Variants in DPP10 observed in about 807,000 individuals in gnomAD.
The protein encoded by DPP10 is inactive dipeptidyl peptidase 10.
DPP10 carries 33 observed loss-of-function variants against 120.9 expected under a neutral mutation model. The observed-to-expected ratio is 0.27, with a 90% confidence interval of 0.21 to 0.37. The LOEUF (loss-of-function observed/expected upper bound fraction) is 0.37. DPP10 is among the 10% of genes least tolerant of loss of function. The pLI is 1.00. For synonymous variants in DPP10, 337 were observed against 326.1 expected (o/e 1.03, Z -0.36); for missense variants, 816 against 942.8 (o/e 0.87, Z 1.76).
chr2:115,078,280 C>G (rs1011201430), intron 1 of DPP10, among the ~76,000 whole-genome samples: 2 of 152,080 alleles, frequency 1.3e-5, no homozygotes, highest in African/African-American at 2.4e-5. Flanking sequence ...ATTAAATTAA[C>G]TCCATATTAC....
intron 5 of DPP10, among the ~76,000 whole-genome samples, chr2:115,605,834 ATAT>A (rs1379396953): frequency 3.3e-5 from 5 of 152,102 alleles, no homozygotes; most frequent in African/African-American, 1.2e-4. Flanking sequence ...CTTCCCAACA[ATAT>A]TATGAATGCA....
At chr2:114,957,295 A>G (rs1698284161) in intron 1 of DPP10, among the ~76,000 whole-genome samples, 1 of 151,964 alleles carries the variant, frequency 6.6e-6, no homozygotes, top group Admixed American at 6.6e-5. Context: ...CCAAGAGAAG[A>G]CATATATATT....
intron 3 of DPP10, among the ~76,000 whole-genome samples, chr2:115,395,050 C>G (rs1403720638): frequency 6.6e-6 from 1 of 152,188 alleles, no homozygotes; most frequent in Non-Finnish European, 1.5e-5. Context: ...ACACTCTTCA[C>G]CTCTATGTGA....
chr2:114,969,903 A>G (rs1449148472), intron 1 of DPP10, among the ~76,000 whole-genome samples: 1 of 152,160 alleles, frequency 6.6e-6, no homozygotes, highest in African/African-American at 2.4e-5. Context: ...TAATCAAGAT[A>G]TTTGCATTGT....
intron 1 of DPP10, among the ~76,000 whole-genome samples, chr2:115,109,044 T>C (rs1361885903): frequency 2.0e-5 from 3 of 150,252 alleles, no homozygotes; most frequent in Admixed American, 6.7e-5. Flanking sequence ...TAACATAAAC[T>C]GATCATTTAT....
intron 5 of DPP10, among the ~76,000 whole-genome samples, chr2:115,676,068 C>A (rs534503716): frequency 2.5e-4 from 38 of 152,262 alleles, no homozygotes; most frequent in African/African-American, 8.4e-4. Context: ...ATGCATATTC[C>A]CCAGAGCCTT....
intron 7 of DPP10, among the ~76,000 whole-genome samples, chr2:115,704,192 C>T (rs2092005308): frequency 6.6e-6 from 1 of 151,784 alleles, no homozygotes; most frequent in Non-Finnish European, 1.5e-5. Flanking sequence ...TGAAAGACAC[C>T]TGACTCCTCT....
chr2:115,433,761 T>C (rs2104798772), intron 3 of DPP10, among the ~76,000 whole-genome samples: 1 of 152,092 alleles, frequency 6.6e-6, no homozygotes, highest in South Asian at 2.1e-4. Context: ...TTCCTTAAAC[T>C]TTTGAGACAA....
In DPP10 at chr2:114,664,807, GTGGCAGAGAGCATCCAAAAGA is replaced by G. The variant is rs1573920121; in HGVS notation, c.60+221994_60+222014del. ...AAAGATGGCAGAGAGCATCCAAAAG[GTGGCAGAGAGCATCCAAAAGA>G]TGGCAGAGAGCATCCAAAAGATGGG... is the stretch of plus-strand genomic sequence containing the variant. On this transcript the variant is annotated intron_variant, in intron 1 of 25. Coordinates refer to ENST00000410059, the MANE Select transcript of DPP10 (RefSeq NM_020868.6). Among the ~76,000 whole-genome samples the G allele has an allele frequency of 7.4e-5, 6 of 81,450 alleles. No homozygotes were observed. In the East Asian group the frequency reaches 1.4e-3, roughly 19 times the overall value. 53.4% of individuals were successfully genotyped at this position (81,450 alleles called of 152,430 possible).
chr2:115,001,830 C>T (rs528201870), intron 1 of DPP10, among the ~76,000 whole-genome samples: 30 of 152,070 alleles, frequency 2.0e-4, no homozygotes, highest in Admixed American at 9.2e-4. Context: ...ACCAGGGAGG[C>T]GAAAGACCTC....
At chr2:115,371,475 C>T (rs1574592510) in intron 3 of DPP10, among the ~76,000 whole-genome samples, 2 of 152,134 alleles carry the variant, frequency 1.3e-5, no homozygotes, top group Non-Finnish European at 1.5e-5. Flanking sequence ...TTGAAACAAA[C>T]TAATTTTACT....
At chr2:115,165,128 TA>T in intron 1 of DPP10, among the ~76,000 whole-genome samples, 1 of 152,260 alleles carries the variant, frequency 6.6e-6, no homozygotes, top group Non-Finnish European at 1.5e-5. Context: ...AATTTATTAT[TA>T]TTTTTAAAAA....
At chr2:115,486,597 G>C (rs530876155) in intron 3 of DPP10, among the ~76,000 whole-genome samples, 1 of 152,226 alleles carries the variant, frequency 6.6e-6, no homozygotes, top group African/African-American at 2.4e-5. Context: ...CATTCAACAA[G>C]AGTGTTGAGT....
chr2:114,964,741 G>A (rs996297937), intron 1 of DPP10, among the ~76,000 whole-genome samples: 1 of 152,168 alleles, frequency 6.6e-6, no homozygotes, highest in Non-Finnish European at 1.5e-5. Flanking sequence ...AACCTTTAGG[G>A]TCATGGTGAA....
intron 1 of DPP10, among the ~76,000 whole-genome samples, chr2:115,137,495 C>CGTG (rs2050707954): frequency 6.6e-6 from 1 of 152,180 alleles, no homozygotes; most frequent in African/African-American, 2.4e-5. Context: ...GAGAGAAATG[C>CGTG]GTGGTGCACA....
intron 1 of DPP10, among the ~76,000 whole-genome samples, chr2:114,847,154 G>A (rs1688607173): frequency 6.6e-6 from 1 of 152,080 alleles, no homozygotes; most frequent in Admixed American, 6.5e-5. Context: ...GATTACAGGA[G>A]TGAGCCACAT....
chr2:114,681,079 T>A (rs1698995625), intron 1 of DPP10, among the ~76,000 whole-genome samples: 1 of 152,008 alleles, frequency 6.6e-6, no homozygotes, highest in Admixed American at 6.6e-5. Flanking sequence ...CCAATTCTGC[T>A]CCAACTATTC....
In DPP10 at chr2:115,089,466, C is replaced by T. The variant is rs1024068296; in HGVS notation, c.61-219773C>T. ...CTGCCGTTTTCCACAATGTTTATTT[C>T]GGATTGTCATCACTGAAGTCCCTTT... On this transcript the variant is annotated intron_variant, in intron 1 of 25. Coordinates refer to ENST00000410059, the MANE Select transcript of DPP10 (RefSeq NM_020868.6). Among the ~76,000 whole-genome samples, 13 of 152,180 alleles carry T rather than the reference C, an allele frequency of 8.5e-5. No homozygotes were observed. The East Asian group carries it at 9.6e-4, about 11-fold the overall frequency.
intron 1 of DPP10, among the ~76,000 whole-genome samples, chr2:114,969,055 C>G (rs1159050180): frequency 6.6e-6 from 1 of 152,196 alleles, no homozygotes; most frequent in African/African-American, 2.4e-5. Context: ...TAATCTTTGA[C>G]AGGTGGGCCA....
Sources: allele counts gnomAD v4.1 joint callset (sites outside exome capture counted in the v4.1 genomes callset), GRCh38; gene constraint gnomAD v4.1.1; transcripts MANE v1.5; gene names NCBI Gene and HGNC (gene_info 2026-07-23, HGNC 2026-07-21).